Variants in FSTL5 observed in about 807,000 individuals in gnomAD.
FSTL5 encodes follistatin-related protein 5.
FSTL5 carries 62 observed loss-of-function variants against 89.1 expected under a neutral mutation model. The observed-to-expected ratio is 0.70, with a 90% CI of 0.57 to 0.86. The LOEUF is 0.86. FSTL5 is among the 40% of genes least tolerant of loss of function. FSTL5 has a pLI of 0.00. For missense variants in FSTL5, 1,057 were observed against 1,001.6 expected (o/e 1.06, Z -0.75); for synonymous variants, 383 against 346.2 (o/e 1.11, Z -1.18).
intron 13 of FSTL5, 24 bp from the exon 14 acceptor site, chr4:161,459,343 A>G (rs779495197): frequency 2.0e-6 from 3 of 1,506,274 alleles, no homozygotes; most frequent in African/African-American, 1.4e-5. Flanking sequence ...GAATTGAAAA[A>G]AATGTTTTAG....
chr4:162,025,315 A>T (rs978085846), intron 3 of FSTL5, among the ~76,000 whole-genome samples: 2 of 152,156 alleles, frequency 1.3e-5, no homozygotes, highest in African/African-American at 4.8e-5. Flanking sequence ...GCTTTTGATA[A>T]ATATGTTTCT....
chr4:161,555,077 T>A (rs943312111), intron 8 of FSTL5, among the ~76,000 whole-genome samples: 1 of 151,600 alleles, frequency 6.6e-6, no homozygotes, highest in Non-Finnish European at 1.5e-5. Flanking sequence ...GTGTAGAGGA[T>A]GCAACAAATG....
At chr4:161,472,045 T>A (rs1256468281) in intron 13 of FSTL5, among the ~76,000 whole-genome samples, 8 of 151,772 alleles carry the variant, frequency 5.3e-5, no homozygotes, top group Non-Finnish European at 1.0e-4. Context: ...GGCACGATCT[T>A]GGCTCACCAC....
intron 1 of FSTL5, among the ~76,000 whole-genome samples, chr4:162,112,284 G>C (rs950249693): frequency 3.3e-5 from 5 of 152,088 alleles, no homozygotes; most frequent in Non-Finnish European, 1.5e-5. Context: ...TGTATTTTGG[G>C]TCTGTTTTAG....
At chr4:161,883,833 G>A (rs1427800636) in intron 4 of FSTL5, among the ~76,000 whole-genome samples, 1 of 152,084 alleles carries the variant, frequency 6.6e-6, no homozygotes, top group African/African-American at 2.4e-5. Flanking sequence ...AAAGTTGACA[G>A]TTTTCTGACA....
intron 4 of FSTL5, among the ~76,000 whole-genome samples, chr4:161,827,648 G>A (rs185370615): frequency 6.6e-6 from 1 of 152,160 alleles, no homozygotes; most frequent in Non-Finnish European, 1.5e-5. Flanking sequence ...GAAGATGGGG[G>A]CATGGTTCTC....
intron 8 of FSTL5, among the ~76,000 whole-genome samples, chr4:161,564,521 T>A (rs1425449091): frequency 2.8e-5 from 3 of 108,704 alleles, no homozygotes; most frequent in African/African-American, 7.9e-5. Flanking sequence ...ACTCATATAA[T>A]TAATTTATTA....
At chr4:161,395,514 T>C (rs1730967193) in intron 15 of FSTL5, among the ~76,000 whole-genome samples, 1 of 152,112 alleles carries the variant, frequency 6.6e-6, no homozygotes, top group Non-Finnish European at 1.5e-5. Flanking sequence ...ATAAATTTAA[T>C]ATACTCTTTC....
intron 7 of FSTL5, 68 bp downstream of exon 7, chr4:161,656,260 C>T (rs550489386): frequency 1.5e-5 from 12 of 779,928 alleles, no homozygotes; most frequent in South Asian, 5.7e-5. Context: ...GCTCCCCTGA[C>T]ATCACAAAGT....
rs141617773 is a variant in FSTL5, at chr4:161,941,050, T to C, written c.161-20398A>G. 1.4e-4 allele frequency among the ~76,000 whole-genome samples: 21 copies of C among 151,938 alleles called. No homozygotes were observed. In the East Asian group the frequency reaches 2.1e-3, roughly 15 times the overall value. ...AGGAATGAAGCTGTACGAAAAAGTGTTTTGGTATACTATTAAGGCTATGAT... is the reference window on the plus strand; with the variant it reads ...AGGAATGAAGCTGTACGAAAAAGTGCTTTGGTATACTATTAAGGCTATGAT... On this transcript the variant is annotated intron_variant, in intron 3 of 15. Coordinates refer to ENST00000306100, the MANE Select transcript of FSTL5 (RefSeq NM_020116.5).
chr4:161,903,628 A>T (rs1579182329), intron 4 of FSTL5, among the ~76,000 whole-genome samples: 1 of 152,218 alleles, frequency 6.6e-6, no homozygotes, highest in East Asian at 1.9e-4. Flanking sequence ...AGACAAGTCA[A>T]CTATGGGAGC....
chr4:161,416,378 T>G (rs1731780296), intron 15 of FSTL5, among the ~76,000 whole-genome samples: 1 of 152,186 alleles, frequency 6.6e-6, no homozygotes, highest in Non-Finnish European at 1.5e-5. Context: ...CACAAGCTTT[T>G]TCTGTTTGTT....
At chr4:161,945,931 T>C (rs893644945) in intron 3 of FSTL5, among the ~76,000 whole-genome samples, 6 of 152,116 alleles carry the variant, frequency 3.9e-5, no homozygotes, top group Admixed American at 3.3e-4. Context: ...AAATGAGAAG[T>C]CTTTACAAAA....
At chr4:161,476,189 G>GTTGT (rs1734139461) in intron 13 of FSTL5, among the ~76,000 whole-genome samples, 1 of 106,892 alleles carries the variant, frequency 9.4e-6, no homozygotes, top group Admixed American at 1.2e-4. Flanking sequence ...TTTTTTTTTT[G>GTTGT]TTTGTTTGTT....
At chr4:161,631,809 T>C (rs1234599636) in intron 7 of FSTL5, among the ~76,000 whole-genome samples, 1 of 152,176 alleles carries the variant, frequency 6.6e-6, no homozygotes, top group Admixed American at 6.5e-5. Context: ...ATTTTTATTA[T>C]TCATTGAAGA....
chr4:162,141,313 C>T (rs1732735926), intron 1 of FSTL5, among the ~76,000 whole-genome samples: 1 of 98,558 alleles, frequency 1.0e-5, no homozygotes, highest in Non-Finnish European at 2.3e-5. Flanking sequence ...GACGGGGTTT[C>T]ACCATGTTAG....
intron 6 of FSTL5, among the ~76,000 whole-genome samples, chr4:161,735,680 G>A (rs1452196239): frequency 6.6e-6 from 1 of 151,938 alleles, no homozygotes; most frequent in Non-Finnish European, 1.5e-5. Context: ...TGTTATTAAT[G>A]CATATATAAC....
intron 6 of FSTL5, among the ~76,000 whole-genome samples, chr4:161,740,329 A>G (rs1739973485): frequency 6.6e-6 from 1 of 152,028 alleles, no homozygotes; most frequent in Non-Finnish European, 1.5e-5. Context: ...CTGAAATAGT[A>G]TAGTATCGCT....
intron 6 of FSTL5, among the ~76,000 whole-genome samples, chr4:161,668,612 C>T (rs551122207): frequency 6.6e-6 from 1 of 152,128 alleles, no homozygotes; most frequent in South Asian, 2.1e-4. Flanking sequence ...TGCAAAAATT[C>T]TCAACAAAAT....
Sources: allele counts gnomAD v4.1 joint callset (sites outside exome capture counted in the v4.1 genomes callset), GRCh38; gene constraint gnomAD v4.1.1; transcripts MANE v1.5; gene names NCBI Gene and HGNC (gene_info 2026-07-23, HGNC 2026-07-21).